The following PKHD1 variants were observed in gnomAD, a reference collection of about 807,000 sequenced individuals.
The protein encoded by PKHD1 is PKHD1 ciliary IPT domain containing fibrocystin/polyductin.
Under a neutral mutation model 412.0 loss-of-function variants are expected in PKHD1, and 291 were observed. That is an observed-to-expected ratio of 0.71 (90% CI 0.64 to 0.78). The LOEUF (loss-of-function observed/expected upper bound fraction) is 0.78. Ranked by LOEUF, PKHD1 falls within the 30% of genes least tolerant of loss-of-function variation. The pLI is 0.00. For missense variants in PKHD1, 4,825 were observed against 4,950.7 expected, an observed-to-expected ratio of 0.97 and a Z score of 0.76; for synonymous variants, 1,777 against 1,821.5, an observed-to-expected ratio of 0.98 and a Z score of 0.62.
At chr6:52,043,534 C>T in intron 26 of PKHD1, 91 bp downstream of exon 26, 1 of 883,658 alleles carries the variant, frequency 1.1e-6, no homozygotes, top group Non-Finnish European at 1.9e-6. Context: ...AATTTATCTT[C>T]TACCCACCCA....
At chr6:51,653,305 T>C (rs1171956362) in intron 61 of PKHD1, among the ~76,000 whole-genome samples, 2 of 152,162 alleles carry the variant, frequency 1.3e-5, no homozygotes, top group African/African-American at 4.8e-5. Context: ...ATCTAGGCTT[T>C]CTTAGCAAAT....
intron 60 of PKHD1, among the ~76,000 whole-genome samples, chr6:51,692,911 A>T (rs900880122): frequency 1.3e-5 from 2 of 151,918 alleles, no homozygotes; most frequent in African/African-American, 4.8e-5. Context: ...AATCATTTTG[A>T]CTTAATTATA....
intron 55 of PKHD1, among the ~76,000 whole-genome samples, chr6:51,758,836 G>T: frequency 6.6e-6 from 1 of 152,130 alleles, no homozygotes. Flanking sequence ...TATTTACAGA[G>T]AATTTAAAAA....
rs759930967 is a variant in PKHD1, at chr6:52,025,606, A to G, written c.4204T>C (p.Cys1402Arg). ...CTCACAGTAAGTATGGTCCCACCAC[A>G]TGCCGAACCCTGCGATGGGAAGATG... ...MAIFPSQGSA[C>R]GGTILTVRGL... The change falls in exon 32 of 67, where the codon TGT becomes CGT. Residue 1402 changes from cysteine to arginine, a missense_variant. Coordinates refer to ENST00000371117, the MANE Select transcript of PKHD1 (RefSeq NM_138694.4). 15 of 1,614,070 alleles carry G rather than the reference A, an allele frequency of 9.3e-6. No individual in the cohort carries two copies. Among genetic ancestry groups the G allele is most frequent in the Non-Finnish European group, 1.3e-5 (15 of 1,180,042 alleles).
intron 36 of PKHD1, among the ~76,000 whole-genome samples, chr6:51,948,220 G>C (rs1789774160): frequency 6.6e-6 from 1 of 152,104 alleles, no homozygotes. Flanking sequence ...ACAACACTCA[G>C]TGTTGTCATT....
intron 60 of PKHD1, among the ~76,000 whole-genome samples, chr6:51,684,928 T>C (rs1476132278): frequency 1.3e-5 from 2 of 152,152 alleles, no homozygotes; most frequent in Non-Finnish European, 2.9e-5. Context: ...GTTAGTTTTA[T>C]GAATATTATG....
chr6:51,824,614 T>C (rs1399725799), intron 52 of PKHD1, among the ~76,000 whole-genome samples: 1 of 152,024 alleles, frequency 6.6e-6, no homozygotes, highest in Non-Finnish European at 1.5e-5. Context: ...ATAATGTTGA[T>C]TAAAGTTTTT....
chr6:51,666,623 C>T (rs571552163), intron 60 of PKHD1, among the ~76,000 whole-genome samples: 76 of 151,648 alleles, frequency 5.0e-4, no homozygotes, highest in African/African-American at 1.8e-3. Flanking sequence ...ATACATGTGC[C>T]ATGCTGGTGC....
At chr6:51,646,661 A>C (rs1276211080) in intron 63 of PKHD1, among the ~76,000 whole-genome samples, 1 of 152,162 alleles carries the variant, frequency 6.6e-6, no homozygotes, top group Admixed American at 6.5e-5. Flanking sequence ...AGTCTTCCCC[A>C]TTTCAGTAAA....
rs143287471 is a variant in PKHD1, at chr6:51,788,076, G to T, written c.8440+3160C>A. On this transcript the variant is annotated intron_variant, in intron 53 of 66. Coordinates refer to ENST00000371117, the MANE Select transcript of PKHD1 (RefSeq NM_138694.4). ...ATGAACTGAAATAATTAAATGAAGG[G>T]ATAGGTAAAAAGTATTGCCCTTAGA... Among the ~76,000 whole-genome samples, 707 of 152,210 alleles carry T rather than the reference G, an allele frequency of 4.6e-3. 1 individual carries two copies. The highest frequency in any genetic ancestry group is 0.016 in the African/African-American group (670 of 41,518).
At chr6:51,881,075 C>CTTTTTTTTTT (rs371470393) in intron 46 of PKHD1, among the ~76,000 whole-genome samples, 15 of 134,054 alleles carry the variant, frequency 1.1e-4, no homozygotes, top group East Asian at 2.1e-4. Flanking sequence ...CTTTTTCTTT[C>CTTTTTTTTTT]TTTTTTTTTT....
intron 66 of PKHD1, chr6:51,621,897 G>T (rs1766668806): frequency 6.6e-6 from 1 of 152,210 alleles, no homozygotes; most frequent in Non-Finnish European, 1.5e-5. Context: ...GCATTCAGCT[G>T]AATGTTTGGG....
At chr6:51,816,003 A>C (rs1765400759) in intron 52 of PKHD1, among the ~76,000 whole-genome samples, 1 of 152,178 alleles carries the variant, frequency 6.6e-6, no homozygotes, top group Non-Finnish European at 1.5e-5. Context: ...GATGCTTGCC[A>C]TAGTAAATAA....
rs1231391714 is a variant in PKHD1, at chr6:51,975,963, T to TGAA, written c.5752-15938_5752-15937insTTC. 57 of 69,778 alleles carry TGAA rather than the reference T, an allele frequency of 8.2e-4. 3 individuals carry two copies. The highest frequency in any genetic ancestry group is 2.4e-3 in the African/African-American group (44 of 18,510). The allele number at this position is 69,778 out of a possible 1,614,324, so 4.3% of individuals were successfully genotyped here. A position where few individuals can be genotyped will look rare whatever the true frequency, so the allele number is the denominator to read the frequency against. ...AACATAGCGAGACCCTTTCTCTAAT[T>TGAA]AAAAAAAAAAAAAAAAAAAAAAAAA... On this transcript the variant is annotated intron_variant, in intron 35 of 66. Transcript: ENST00000371117.
At position 51,887,175 on chromosome 6, in the gene PKHD1, G is replaced by A. The variant is rs141360909; in HGVS notation, c.7067C>T (p.Pro2356Leu). ...AATGTTCTGAGTGAAGGAAAGAAGCGGAGCTTGTGATGTTTGGTTGGTCAT... is the reference window on the plus strand; with the variant it reads ...AATGTTCTGAGTGAAGGAAAGAAGCAGAGCTTGTGATGTTTGGTTGGTCAT... ...HLMTNQTSQA[P>L]LLSFTQNIAH... Residue 2356 changes from proline (P) to leucine (L), a missense_variant, in exon 44 of 67, where the codon CCG becomes CTG. Physicochemically the swap from Pro to Leu is moderately conservative, Grantham distance 98. Coordinates refer to ENST00000371117, the MANE Select transcript of PKHD1 (RefSeq NM_138694.4). The A allele has an allele frequency of 4.8e-4, 769 of 1,613,310 alleles. 1 individual carries two copies. Among genetic ancestry groups the A allele is most frequent in the Non-Finnish European group, 4.4e-4 (523 of 1,179,282 alleles).
chr6:51,780,240 G>T (rs1051593551), intron 53 of PKHD1, among the ~76,000 whole-genome samples: 1 of 152,038 alleles, frequency 6.6e-6, no homozygotes, highest in Non-Finnish European at 1.5e-5. Context: ...ACAAAAATTA[G>T]CTTGGCGTGG....
intron 61 of PKHD1, among the ~76,000 whole-genome samples, chr6:51,655,543 C>G (rs556792425): frequency 3.3e-5 from 5 of 152,160 alleles, no homozygotes; most frequent in African/African-American, 1.2e-4. Context: ...TTTCATGGCC[C>G]AAAATTCATG....
chr6:51,797,673 T>C (rs1273813440), intron 52 of PKHD1, among the ~76,000 whole-genome samples: 1 of 152,080 alleles, frequency 6.6e-6, no homozygotes, highest in East Asian at 1.9e-4. Context: ...CTTCATTCCT[T>C]TATTTTGAAC....
chr6:51,854,544 G>A (rs2151676378), intron 49 of PKHD1, among the ~76,000 whole-genome samples: 1 of 152,270 alleles, frequency 6.6e-6, no homozygotes, highest in East Asian at 1.9e-4. Context: ...AAGTCTGCTG[G>A]TCCACGGAGA....
Sources: allele counts gnomAD v4.1 joint callset (sites outside exome capture counted in the v4.1 genomes callset), GRCh38; gene constraint gnomAD v4.1.1; transcripts MANE v1.5; gene names NCBI Gene and HGNC (gene_info 2026-07-23, HGNC 2026-07-21).